Variants in SNCAIP observed in about 807,000 individuals in gnomAD.
SNCAIP encodes the protein synuclein alpha interacting protein.
Under a neutral mutation model 86.7 loss-of-function variants are expected in SNCAIP, and 43 were observed. That is an observed-to-expected ratio of 0.50 (90% confidence interval 0.39 to 0.64). The LOEUF (loss-of-function observed/expected upper bound fraction) is 0.64, where lower values mean the gene tolerates loss of function less well. Among genes scored for constraint, SNCAIP ranks in the 30% least tolerant of loss-of-function variants. The pLI, the probability that SNCAIP is intolerant of heterozygous loss-of-function variation, is 0.00. For synonymous variants in SNCAIP, 417 were observed against 427.2 expected (o/e 0.98, Z 0.29); for missense variants, 981 against 1,103.1 (o/e 0.89, Z 1.57).
rs112230028 is a variant in SNCAIP at position 122,364,249 on chromosome 5, G to C, written c.-46-26840G>C. ...CACCCTTTGTTTAGCATATAATCAA[G>C]AAATAACCATAAAAATGGGCAACCA... On this transcript the variant is annotated intron_variant, in intron 1 of 10. Transcript: ENST00000261368. 9.0e-3 allele frequency among the ~76,000 whole-genome samples: 1,377 copies of C among 152,322 alleles called. 25 individuals carry two copies. The highest frequency in any genetic ancestry group is 0.032 in the African/African-American group (1,324 of 41,568).
chr5:122,360,877 C>T (rs1166915078), intron 1 of SNCAIP, among the ~76,000 whole-genome samples: 1 of 151,804 alleles, frequency 6.6e-6, no homozygotes, highest in Non-Finnish European at 1.5e-5. Flanking sequence ...TACCAGAGGT[C>T]CTCATTATCT....
chr5:122,400,192 GAGA>G (rs1244788585), intron 2 of SNCAIP, among the ~76,000 whole-genome samples: 2 of 152,034 alleles, frequency 1.3e-5, no homozygotes, highest in African/African-American at 4.8e-5. Context: ...ACAATCAGAA[GAGA>G]AGTAGACAAT....
chr5:122,442,285 G>C (rs1416788388), intron 7 of SNCAIP, among the ~76,000 whole-genome samples: 1 of 151,918 alleles, frequency 6.6e-6, no homozygotes, highest in African/African-American at 2.4e-5. Context: ...AGGTAGAGGA[G>C]ACTTGGGAAA....
intron 1 of SNCAIP, among the ~76,000 whole-genome samples, chr5:122,349,830 G>A (rs930453787): frequency 5.3e-5 from 8 of 152,266 alleles, no homozygotes; most frequent in Admixed American, 4.6e-4. Context: ...GGGCCATGAT[G>A]TTTTGATGGG....
chr5:122,323,313 T>C (rs1354083649), intron 1 of SNCAIP: 2 of 152,242 alleles, frequency 1.3e-5, no homozygotes, highest in African/African-American at 2.4e-5. Flanking sequence ...TTAAGTTGAG[T>C]ACTCACAGAT....
At chr5:122,324,625 G>A (rs1753647857) in intron 1 of SNCAIP, among the ~76,000 whole-genome samples, 1 of 152,180 alleles carries the variant, frequency 6.6e-6, no homozygotes, top group Admixed American at 6.5e-5. Context: ...TTTCACAAAA[G>A]ATATCTTGTT....
intron 2 of SNCAIP, among the ~76,000 whole-genome samples, chr5:122,392,614 GC>G (rs1421533064): frequency 6.6e-6 from 1 of 152,302 alleles, no homozygotes; most frequent in East Asian, 1.9e-4. Flanking sequence ...TTAGGTGGTA[GC>G]TCTCCGAACT....
At chr5:122,318,234 G>T (rs1752201477) in intron 1 of SNCAIP, among the ~76,000 whole-genome samples, 1 of 152,036 alleles carries the variant, frequency 6.6e-6, no homozygotes, top group Non-Finnish European at 1.5e-5. Context: ...ATGGGCTGTT[G>T]TCTCTGTGGA....
chr5:122,425,816 CA>C (rs1280937553), intron 5 of SNCAIP, among the ~76,000 whole-genome samples: 2 of 152,166 alleles, frequency 1.3e-5, no homozygotes, highest in African/African-American at 4.8e-5. Flanking sequence ...GCTTCTTAAC[CA>C]CACCTGGATC....
At chr5:122,445,796 T>C (rs1782174560) in intron 8 of SNCAIP, among the ~76,000 whole-genome samples, 1 of 150,880 alleles carries the variant, frequency 6.6e-6, no homozygotes, top group South Asian at 2.1e-4. Flanking sequence ...TAATTAATTA[T>C]AATCCATGCA....
chr5:122,452,747 G>T (rs1289659503), intron 10 of SNCAIP, among the ~76,000 whole-genome samples: 1 of 152,104 alleles, frequency 6.6e-6, no homozygotes, highest in Non-Finnish European at 1.5e-5. Context: ...AACTTACTGG[G>T]TTCTGCTGCT....
intron 1 of SNCAIP, chr5:122,336,992 G>A (rs1756602238): frequency 6.6e-6 from 1 of 152,132 alleles, no homozygotes; most frequent in South Asian, 2.1e-4. Flanking sequence ...TTCCAGGATG[G>A]TTTCTGCCCT....
intron 3 of SNCAIP, among the ~76,000 whole-genome samples, chr5:122,418,386 A>G (rs568757459): frequency 6.6e-6 from 1 of 152,264 alleles, no homozygotes; most frequent in Non-Finnish European, 1.5e-5. Context: ...CACCTGTACT[A>G]TGTTTATTTA....
intron 1 of SNCAIP, among the ~76,000 whole-genome samples, chr5:122,379,666 G>A (rs1405689778): frequency 2.0e-5 from 3 of 151,906 alleles, no homozygotes; most frequent in Middle Eastern, 3.2e-3. Flanking sequence ...GTATGATATT[G>A]GCTGTGAGTT....
chr5:122,324,319 G>A (rs1457910514), intron 1 of SNCAIP, among the ~76,000 whole-genome samples: 2 of 152,178 alleles, frequency 1.3e-5, no homozygotes, highest in Non-Finnish European at 2.9e-5. Context: ...TCCTGCTGGG[G>A]ACCAGGATCA....
intron 1 of SNCAIP, among the ~76,000 whole-genome samples, chr5:122,358,767 C>A (rs1761625317): frequency 1.3e-5 from 2 of 152,022 alleles, no homozygotes; most frequent in Non-Finnish European, 2.9e-5. Flanking sequence ...TATATCATAC[C>A]GGATTGGCAA....
At chr5:122,422,459 C>T (rs1305732718) in intron 3 of SNCAIP, among the ~76,000 whole-genome samples, 2 of 152,162 alleles carry the variant, frequency 1.3e-5, no homozygotes, top group Non-Finnish European at 2.9e-5. Flanking sequence ...TGTGTGCATA[C>T]GTCCCTTTTC....
Position 122,356,004 on chromosome 5 carries a change from T to A in SNCAIP, c.-46-35085T>A, listed in dbSNP as rs147337542. ...TTCAGAATAACTTTTTCTGAAGGTA[T>A]CATTTATGCATGTTTAAATATATGT... On this transcript the variant is annotated intron_variant, in intron 1 of 10. Coordinates refer to ENST00000261368, the MANE Select transcript of SNCAIP (RefSeq NM_005460.4). 6.6e-5 allele frequency among the ~76,000 whole-genome samples: 10 copies of A among 152,200 alleles called. No individual in the cohort carries two copies. In the East Asian group the frequency reaches 1.2e-3, roughly 18 times the overall value.
rs1214661146 is a variant in SNCAIP at position 122,325,349 on chromosome 5, G to A, written c.-47+13065G>A. Among the ~76,000 whole-genome samples, 6 of 152,070 alleles carry A rather than the reference G, an allele frequency of 3.9e-5. No homozygotes were observed. The East Asian group carries it at 1.2e-3, about 29-fold the overall frequency. On this transcript the variant is annotated intron_variant, in intron 1 of 10. Coordinates refer to ENST00000261368, the MANE Select transcript of SNCAIP (RefSeq NM_005460.4). Reference sequence around the variant, plus strand: ...GAGAGGTTTGGGTATTTTATTCCCTGGGCTCCCATCTTACCAGATCACCTC... The same window carrying A: ...GAGAGGTTTGGGTATTTTATTCCCTAGGCTCCCATCTTACCAGATCACCTC...
Sources: gnomAD v4.1 joint callset for allele counts (sites outside exome capture counted in the v4.1 genomes callset) on GRCh38, gnomAD v4.1.1 for gene constraint, MANE v1.5 for transcripts, NCBI Gene and HGNC (gene_info 2026-07-23, HGNC 2026-07-21) for gene names.